Variants in TM9SF1 observed in about 807,000 individuals in gnomAD.
The protein encoded by TM9SF1 is transmembrane 9 superfamily member 1.
In TM9SF1, 25 loss-of-function variants were observed where a neutral mutation model predicts 52.4. That is an observed-to-expected ratio of 0.48 (90% confidence interval 0.35 to 0.67). The LOEUF is 0.67. Among genes scored for constraint, TM9SF1 ranks in the 30% least tolerant of loss-of-function variants. The pLI is 0.01. For synonymous variants in TM9SF1, 284 were observed against 299.8 expected (o/e 0.95, Z 0.55); for missense variants, 604 against 780.3 (o/e 0.77, Z 2.69).
At chr14:24,190,139 A>C (rs2039295185) in intron 5 of TM9SF1, 1 of 1,375,836 alleles carries the variant, frequency 7.3e-7, no homozygotes, top group Admixed American at 3.4e-5. Context: ...GTCCATAGGC[A>C]TTAAAGTCAG....
rs2039338620 is a variant in TM9SF1, at chr14:24,192,622, T to C, written c.967+26A>G. The C allele has an allele frequency of 6.5e-7, 1 of 1,535,072 alleles. No homozygotes were observed. On this transcript the variant is annotated intron_variant, in intron 3 of 5. Coordinates refer to ENST00000261789, the MANE Select transcript of TM9SF1 (RefSeq NM_006405.7). This position sits in a 1 kb window ranked among gnomAD's most constrained non-coding sequence, Gnocchi z 4.0. ...ACCTAGTTCTATCCCATGAGATAAA[T>C]CCCCAATTCATTTTTATCACCTCAC...
rs1299337827 is a variant in TM9SF1 at position 24,189,548 on chromosome 14, G to T, written c.1688C>A (p.Ala563Glu). 1 of 1,614,054 alleles carries T rather than the reference G, an allele frequency of 6.2e-7. No homozygotes were observed. Among genetic ancestry groups the T allele is most frequent in the African/African-American group, 1.3e-5 (1 of 74,896 alleles). ...GCCGAAGAACTCTACTGTCTGTACT[G>T]CCCCAGACATGTTGGAGCGCCGGGC... ...YYARRSNMSG[A>E]VQTVEFFGYS... The change falls in exon 6 of 6, where the codon GCA (alanine) becomes GAA (glutamate). Residue 563 changes from alanine to glutamate, a missense_variant. By Grantham distance (107) the Ala-to-Glu change is moderately radical (BLOSUM62 -1). This residue lies in a region of TM9SF1 where 107 missense variants were observed against 180.5 expected (regional missense o/e 0.59). Coordinates refer to ENST00000261789, the MANE Select transcript of TM9SF1 (RefSeq NM_006405.7).
Position 24,194,723 on chromosome 14 carries a change from T to C in TM9SF1, c.297A>G (p.Glu99=). 1 of 1,614,210 alleles carries C rather than the reference T, an allele frequency of 6.2e-7. No individual in the cohort carries two copies. ...GGCACAGAATTCTCTTCTCCACGTT[T>C]TCCCGAAAGCGGATCTCATACAAAG... is the stretch of plus-strand genomic sequence containing the variant. ...AESLYEIRFR[E]NVEKRILCHM... The change falls in exon 2 of 6, where the codon GAA becomes GAG. Residue 99 remains glutamate, a synonymous_variant. Coordinates refer to ENST00000261789, the MANE Select transcript of TM9SF1 (RefSeq NM_006405.7).
Position 24,192,009 on chromosome 14 carries a change from A to T in TM9SF1, c.1153+162T>A. The stretch of plus-strand genomic sequence containing the variant: ...TTTTTTGTTATAGAGAGAGGGTCTC[A>T]CTATGTTGTCTAGGCTTGTCTCAAA... On this transcript the variant is annotated intron_variant, in intron 4 of 5. Coordinates refer to ENST00000261789, the MANE Select transcript of TM9SF1 (RefSeq NM_006405.7). The surrounding 1 kb of genome is among the most constrained non-coding windows in gnomAD (Gnocchi z 4.0). The T allele has an allele frequency of 1.4e-6, 1 of 697,580 alleles. No homozygotes were observed. Among genetic ancestry groups the T allele is most frequent in the Non-Finnish European group, 2.5e-6 (1 of 396,832 alleles). The allele number at this position is 697,580 out of a possible 1,614,324, so 43.2% of individuals were successfully genotyped here. A position where few individuals can be genotyped will look rare whatever the true frequency, so the allele number is the denominator to read the frequency against.
rs111435072 is a variant in TM9SF1 at position 24,192,433 on chromosome 14, C to T, written c.968-77G>A. On this transcript the variant is annotated intron_variant, in intron 3 of 5. Transcript: ENST00000261789. The surrounding 1 kb of genome is among the most constrained non-coding windows in gnomAD (Gnocchi z 4.0). ...AGCAATTTCAGAGGAATCAGCCCCC[C>T]TTCTCCCAGACCCAGGGCCTCCAGC... The T allele has an allele frequency of 1.3e-6, 2 of 1,502,498 alleles. No homozygotes were observed. The highest frequency in any genetic ancestry group is 1.8e-6 in the Non-Finnish European group (2 of 1,104,004). The allele number at this position is 1,502,498 out of a possible 1,614,324, so 93.1% of individuals were successfully genotyped here.
At position 24,192,570 on chromosome 14, in the gene TM9SF1, C is replaced by G. The variant is rs772793483; in HGVS notation, c.967+78G>C. 30 of 1,495,110 alleles carry G rather than the reference C, an allele frequency of 2.0e-5. No individual in the cohort carries two copies. Among genetic ancestry groups the G allele is most frequent in the Non-Finnish European group, 2.3e-5 (26 of 1,118,118 alleles). The allele number at this position is 1,495,110 out of a possible 1,614,324, so 92.6% of individuals were successfully genotyped here. A position where few individuals can be genotyped will look rare whatever the true frequency, so the allele number is the denominator to read the frequency against. The stretch of plus-strand genomic sequence containing the variant: ...GCCCCTCTGGATAGAAGAGAAGATC[C>G]ACAGACCTTTTCTGAACAAACTCCC... On this transcript the variant is annotated intron_variant, in intron 3 of 5. Transcript: ENST00000261789. The surrounding 1 kb of genome is among the most constrained non-coding windows in gnomAD (Gnocchi z 4.0).
At position 24,192,301 on chromosome 14, in the gene TM9SF1, A is replaced by C; in HGVS notation, c.1023T>G (p.Ile341Met). Residue 341 changes from isoleucine (I) to methionine (M), a missense_variant, in exon 4 of 6, where the codon ATT becomes ATG. Ile to Met is a conservative substitution (Grantham distance 10). This residue lies in a region of TM9SF1 where 450 missense variants were observed against 560.1 expected (regional missense o/e 0.80). Coordinates refer to ENST00000261789, the MANE Select transcript of TM9SF1 (RefSeq NM_006405.7). The surrounding 1 kb of genome is among the most constrained non-coding windows in gnomAD (Gnocchi z 4.0). ...GMFNVHRHGA[I>M]NSAAILLYAL... ...CATACAACAAGATGGCTGCTGAGTT[A>C]ATGGCCCCATGACGGTGCACATTGA... 1.2e-6 allele frequency: 2 copies of C among 1,614,174 alleles called. No homozygotes were observed. Among genetic ancestry groups the C allele is most frequent in the Non-Finnish European group, 1.7e-6 (2 of 1,180,044 alleles).
In TM9SF1 at chr14:24,193,191, C is replaced by T; in HGVS notation, c.424G>A (p.Val142Met). 6.2e-7 allele frequency: 1 copy of T among 1,614,154 alleles called. No individual in the cohort carries two copies. The highest frequency in any genetic ancestry group is 8.5e-7 in the Non-Finnish European group (1 of 1,180,024). ...VVDDLPIRGFVGYMEESGFLP... is the reference protein window; with the variant it reads ...VVDDLPIRGFMGYMEESGFLP... ...AAACCACTCTCCTCCATGTAGCCCA[C>T]AAAGCCCCGGATTGGCAAGTCATCT... is the stretch of plus-strand genomic sequence containing the variant. Residue 142 changes from valine (V) to methionine (M), a missense_variant, in exon 3 of 6, where the codon GTG becomes ATG. Coordinates refer to ENST00000261789, the MANE Select transcript of TM9SF1 (RefSeq NM_006405.7).
intron 2 of TM9SF1, among the ~76,000 whole-genome samples, chr14:24,193,602 T>A (rs1279437534): frequency 2.7e-5 from 4 of 150,044 alleles, no homozygotes; most frequent in Non-Finnish European, 5.9e-5. Context: ...CCTGACCTCA[T>A]GATCTGCCTG....
At chr14:24,191,305 T>C (rs2138830436) in intron 4 of TM9SF1, among the ~76,000 whole-genome samples, 1 of 152,356 alleles carries the variant, frequency 6.6e-6, no homozygotes, top group South Asian at 2.1e-4. Flanking sequence ...ATTCCTAGCA[T>C]GAGACATTCC....
In TM9SF1 at chr14:24,195,156, C is replaced by T. The variant is rs1156363214; in HGVS notation, c.-17-120G>A. The T allele has an allele frequency of 9.1e-6, 6 of 656,100 alleles. No individual in the cohort carries two copies. In the East Asian group the frequency reaches 1.4e-4, roughly 15 times the overall value. 40.6% of individuals were successfully genotyped at this position (656,100 alleles called of 1,614,324 possible). ...CCCATTGGCCCCCTCCCCGCCTCAC[C>T]CTACCCCACGTCTCTCTATCCCAAA... On this transcript the variant is annotated intron_variant, in intron 1 of 5. Transcript: ENST00000261789.
At position 24,195,027 on chromosome 14, in the gene TM9SF1, G is replaced by T; in HGVS notation, c.-8C>A. On this transcript the variant is annotated 5_prime_UTR_variant, in exon 2 of 6. Coordinates refer to ENST00000261789, the MANE Select transcript of TM9SF1 (RefSeq NM_006405.7). ...GTTCCCTACGACTGTCATCCTTAAG[G>T]CAGTGGAACCTGTTTGGGGGAATCC... 1 of 1,610,172 alleles carries T rather than the reference G, an allele frequency of 6.2e-7. No homozygotes were observed. Among genetic ancestry groups the T allele is most frequent in the Non-Finnish European group, 8.5e-7 (1 of 1,177,120 alleles).
Position 24,189,173 on chromosome 14 carries a change from G to A in TM9SF1, c.*242C>T. 2 of 473,284 alleles carry A rather than the reference G, an allele frequency of 4.2e-6. No homozygotes were observed. The highest frequency in any genetic ancestry group is 3.2e-5 in the East Asian group (1 of 30,794). 29.3% of individuals were successfully genotyped at this position (473,284 alleles called of 1,614,324 possible). On this transcript the variant is annotated 3_prime_UTR_variant, in exon 6 of 6. Coordinates refer to ENST00000261789, the MANE Select transcript of TM9SF1 (RefSeq NM_006405.7). ...CTTTTTCTTAATAAATTTTATTTTG[G>A]TAATTGTAAAAAGAAAAATCAGGAC... is the stretch of plus-strand genomic sequence containing the variant.
chr14:24,192,667 C>G lies in TM9SF1; in HGVS notation c.948G>C (p.Gln316His). 1 of 1,574,642 alleles carries G rather than the reference C, an allele frequency of 6.4e-7. No individual in the cohort carries two copies. The highest frequency in any genetic ancestry group is 1.4e-5 in the African/African-American group (1 of 73,790). Reference sequence around the variant, plus strand: ...CCTCACCAGTGCCAAGGGCCAGGAACTGGGCACCCACGCCAAGCACAGCAC... The same window carrying G: ...CCTCACCAGTGCCAAGGGCCAGGAAGTGGGCACCCACGCCAAGCACAGCAC... The part of the protein sequence containing the change: ...LLCAVLGVGA[Q>H]FLALGTGIIV... Residue 316 changes from glutamine to histidine, a missense_variant, in exon 3 of 6, where the codon CAG becomes CAC. This residue lies in a region of TM9SF1 where 450 missense variants were observed against 560.1 expected (regional missense o/e 0.80). Coordinates refer to ENST00000261789, the MANE Select transcript of TM9SF1 (RefSeq NM_006405.7). This position sits in a 1 kb window ranked among gnomAD's most constrained non-coding sequence, Gnocchi z 4.0.
chr14:24,193,389 T>TG (rs1726844632), intron 2 of TM9SF1, 120 bp from the exon 3 acceptor site: 1 of 1,156,684 alleles, frequency 8.6e-7, no homozygotes, highest in East Asian at 2.5e-5. Context: ...TTTTTCGAGA[T>TG]GGAGTCTTGC....
At chr14:24,191,728 G>GT (rs1022582264) in intron 4 of TM9SF1, 73 of 158,902 alleles carry the variant, frequency 4.6e-4, no homozygotes, top group East Asian at 6.9e-4. Flanking sequence ...ATGCATTCTT[G>GT]TTTTTTTTTG....
intron 5 of TM9SF1, 165 bp from the exon 6 acceptor site, chr14:24,189,973 T>G (rs2039292497): frequency 7.2e-7 from 1 of 1,396,108 alleles, no homozygotes; most frequent in Non-Finnish European, 9.3e-7. Flanking sequence ...GGGGATTTTT[T>G]GCCTATGATT....
At position 24,192,311 on chromosome 14, in the gene TM9SF1, T is replaced by C. The variant is rs150862560; in HGVS notation, c.1013A>G (p.His338Arg). ...ALLGMFNVHR[H>R]GAINSAAILL... is the part of the protein sequence containing the mutation. ...GATGGCTGCTGAGTTAATGGCCCCA[T>C]GACGGTGCACATTGAACATGCCCAG... The change falls in exon 4 of 6, where the codon CAT becomes CGT. Residue 338 changes from histidine to arginine, a missense_variant. By Grantham distance (29) the His-to-Arg change is conservative. Transcript: ENST00000261789. The surrounding 1 kb of genome is among the most constrained non-coding windows in gnomAD (Gnocchi z 4.0). The C allele has an allele frequency of 3.7e-6, 6 of 1,614,116 alleles. No individual in the cohort carries two copies. Among genetic ancestry groups the C allele is most frequent in the Non-Finnish European group, 5.1e-6 (6 of 1,180,030 alleles).
chr14:24,190,652 C>T lies in TM9SF1; in HGVS notation c.1155G>A (p.Val385=). The T allele has an allele frequency of 6.2e-7, 1 of 1,608,808 alleles. No homozygotes were observed. Among genetic ancestry groups the T allele is most frequent in the Non-Finnish European group, 8.5e-7 (1 of 1,176,284 alleles). ...NIILTTSLFS[V]PFFLTWSVVN... is the part of the protein sequence containing the mutation. ...CCACACTCCACGTCAGGAAGAAAGG[C>T]ACTGCAGGGATGGGCCCCCGGAGGG... The change falls in exon 5 of 6, where the codon GTG becomes GTA. Residue 385 remains valine (V), a splice_region_variant and synonymous_variant. Coordinates refer to ENST00000261789, the MANE Select transcript of TM9SF1 (RefSeq NM_006405.7).
Sources: gnomAD v4.1 joint callset for allele counts (sites outside exome capture counted in the v4.1 genomes callset) on GRCh38, gnomAD v4.1.1 for gene constraint, gnomAD v4.1.1 regional missense constraint, Gnocchi (gnomAD v3.1) non-coding constraint, MANE v1.5 for transcripts, NCBI Gene and HGNC (gene_info 2026-07-23, HGNC 2026-07-21) for gene names.